The following GATAD2B variants were observed in gnomAD, a reference collection of about 807,000 sequenced individuals.
GATAD2B encodes the protein GATA zinc finger domain containing 2B, also known as transcriptional repressor p66-beta.
A neutral mutation model predicts 64.3 loss-of-function variants in GATAD2B; 8 were observed. The ratio of observed to expected loss-of-function variants is 0.12; its 90% confidence interval spans 0.07 to 0.22. GATAD2B has a LOEUF of 0.22. Ranked by LOEUF, GATAD2B falls within the 10% of genes least tolerant of loss-of-function variation. The pLI is 1.00. For missense variants in GATAD2B, 453 were observed against 752.0 expected, an observed-to-expected ratio of 0.60 and a Z score of 4.65; for synonymous variants, 281 against 271.3, an observed-to-expected ratio of 1.04 and a Z score of -0.35.
In GATAD2B at chr1:153,887,382, G is replaced by C. The variant is rs554695818; in HGVS notation, c.-2+35351C>G. 5.3e-5 allele frequency among the ~76,000 whole-genome samples: 8 copies of C among 152,310 alleles called. No homozygotes were observed. The East Asian group carries it at 1.5e-3, about 29-fold the overall frequency. On this transcript the variant is annotated intron_variant, in intron 1 of 10. Transcript: ENST00000368655. Reference sequence around the variant, plus strand: ...GGGAAGTCAGTTTTCAATCACTTGGGAGTTACCAATCAATGACTGATTGAT... The same window carrying C: ...GGGAAGTCAGTTTTCAATCACTTGGCAGTTACCAATCAATGACTGATTGAT...
intron 10 of GATAD2B, 181 bp downstream of exon 10, chr1:153,811,550 A>C (rs921970400): frequency 1.5e-5 from 10 of 683,932 alleles, no homozygotes; most frequent in Middle Eastern, 3.5e-4. Flanking sequence ...ACCCTAGTGC[A>C]TTGTGGGTGG....
chr1:153,843,498 C>T (rs1415489393), intron 1 of GATAD2B, among the ~76,000 whole-genome samples: 1 of 152,054 alleles, frequency 6.6e-6, no homozygotes, highest in Non-Finnish European at 1.5e-5. Flanking sequence ...TAGTCTTGAA[C>T]TCCTGGCCTC....
intron 2 of GATAD2B, among the ~76,000 whole-genome samples, chr1:153,824,419 GCAGATC>G (rs1461370167): frequency 2.6e-5 from 4 of 152,064 alleles, no homozygotes; most frequent in Non-Finnish European, 5.9e-5. Context: ...CACAAGGTCA[GCAGATC>G]GAGACCATCT....
chr1:153,909,862 C>T (rs1263545052), intron 1 of GATAD2B, among the ~76,000 whole-genome samples: 3 of 150,546 alleles, frequency 2.0e-5, no homozygotes, highest in African/African-American at 4.9e-5. Context: ...GCAGGAGAAT[C>T]GCCTGAACCT....
chr1:153,884,400 T>G (rs1446011962), intron 1 of GATAD2B, among the ~76,000 whole-genome samples: 3 of 150,930 alleles, frequency 2.0e-5, no homozygotes, highest in East Asian at 2.0e-4. Flanking sequence ...CTGAGATCGC[T>G]CCACTGCACT....
At chr1:153,853,177 C>A in intron 1 of GATAD2B, 1 of 1,279,494 alleles carries the variant, frequency 7.8e-7, no homozygotes, top group Non-Finnish European at 1.1e-6. Context: ...CGGATATTGG[C>A]AACTGCAATT....
chr1:153,897,338 A>C (rs1379226336), intron 1 of GATAD2B, among the ~76,000 whole-genome samples: 1 of 152,166 alleles, frequency 6.6e-6, no homozygotes, highest in Non-Finnish European at 1.5e-5. Context: ...CAAAACACCA[A>C]AACACCTGTT....
chr1:153,840,719 A>C (rs1675455392), intron 1 of GATAD2B, among the ~76,000 whole-genome samples: 1 of 152,224 alleles, frequency 6.6e-6, no homozygotes. Flanking sequence ...AATATTAATA[A>C]GCAGAAAATT....
In GATAD2B at chr1:153,817,382, T is replaced by C. The variant is rs189577384; in HGVS notation, c.890A>G (p.Asn297Ser). ...TCAGCTCTCTCTTACCGGTTGATAA[T>C]TGATGGCGGGATTCATGTTGGGTGT... ...TTTPNMNPAI[N>S]YQPQSSSSVP... Residue 297 changes from asparagine (N) to serine (S), a missense_variant, in exon 6 of 11, where the codon AAT (asparagine) becomes AGT (serine). Physicochemically the swap from Asn to Ser is conservative, Grantham distance 46. Coordinates refer to ENST00000368655, the MANE Select transcript of GATAD2B (RefSeq NM_020699.4). The C allele has an allele frequency of 5.9e-5, 93 of 1,569,264 alleles. No individual in the cohort carries two copies. The highest frequency in any genetic ancestry group is 3.6e-4 in the Admixed American group (18 of 50,524).
intron 1 of GATAD2B, among the ~76,000 whole-genome samples, chr1:153,892,744 G>C (rs1677457424): frequency 1.4e-5 from 2 of 145,832 alleles, no homozygotes; most frequent in Non-Finnish European, 3.0e-5. Flanking sequence ...ACCCAGGCTG[G>C]AGTGCAGTTG....
At chr1:153,823,825 G>A (rs1338829812) in intron 2 of GATAD2B, among the ~76,000 whole-genome samples, 1 of 151,868 alleles carries the variant, frequency 6.6e-6, no homozygotes, top group East Asian at 1.9e-4. Flanking sequence ...TACCTCCTGG[G>A]TTCAAGCGAT....
At chr1:153,912,274 A>G (rs939396044) in intron 1 of GATAD2B, among the ~76,000 whole-genome samples, 15 of 152,208 alleles carry the variant, frequency 9.9e-5, no homozygotes, top group Non-Finnish European at 2.1e-4. Flanking sequence ...CTCAGTTACA[A>G]CTATCTTCCT....
chr1:153,899,650 G>C (rs1461603649), intron 1 of GATAD2B, among the ~76,000 whole-genome samples: 2 of 151,552 alleles, frequency 1.3e-5, no homozygotes, highest in Non-Finnish European at 2.9e-5. Flanking sequence ...AAAATCCAAA[G>C]ACAACTGTTT....
chr1:153,918,495 A>G (rs2101974013), intron 1 of GATAD2B, among the ~76,000 whole-genome samples: 1 of 152,348 alleles, frequency 6.6e-6, no homozygotes, highest in South Asian at 2.1e-4. Context: ...GAATTTATTA[A>G]TCCTGGTGTC....
chr1:153,876,774 G>A (rs765886986), intron 1 of GATAD2B, among the ~76,000 whole-genome samples: 4 of 152,162 alleles, frequency 2.6e-5, no homozygotes, highest in Non-Finnish European at 5.9e-5. Flanking sequence ...AGGCCAAGGC[G>A]GGCAGATCAC....
chr1:153,885,335 T>C (rs1677145838), intron 1 of GATAD2B, among the ~76,000 whole-genome samples: 1 of 151,974 alleles, frequency 6.6e-6, no homozygotes, highest in African/African-American at 2.4e-5. Context: ...ACATGTATGA[T>C]CTCCACTCAT....
At position 153,901,662 on chromosome 1, in the gene GATAD2B, A is replaced by G. The variant is rs189893786; in HGVS notation, c.-2+21071T>C. ...TAACATGGTGAAACCCATCTCTACT[A>G]AAAATACAAAAATTAGCCAGGCATG... On this transcript the variant is annotated intron_variant, in intron 1 of 10. Coordinates refer to ENST00000368655, the MANE Select transcript of GATAD2B (RefSeq NM_020699.4). 2.9e-4 allele frequency among the ~76,000 whole-genome samples: 44 copies of G among 151,480 alleles called. No individual in the cohort carries two copies. The East Asian group carries it at 8.6e-3, about 30-fold the overall frequency.
intron 1 of GATAD2B, among the ~76,000 whole-genome samples, chr1:153,838,371 T>C (rs1675349362): frequency 1.3e-5 from 2 of 152,216 alleles, no homozygotes; most frequent in Admixed American, 1.3e-4. Flanking sequence ...ATAACAAAAA[T>C]ACATAATTGG....
intron 1 of GATAD2B, among the ~76,000 whole-genome samples, chr1:153,869,711 G>A (rs1262381429): frequency 6.6e-6 from 1 of 152,176 alleles, no homozygotes; most frequent in Non-Finnish European, 1.5e-5. Flanking sequence ...GCTAGGTGGT[G>A]TCACTACTTC....
Sources: gnomAD v4.1 joint callset for allele counts (sites outside exome capture counted in the v4.1 genomes callset) on GRCh38, gnomAD v4.1.1 for gene constraint, MANE v1.5 for transcripts, NCBI Gene and HGNC (gene_info 2026-07-23, HGNC 2026-07-21) for gene names.